WDTC1: variants seen among roughly 807,000 people sequenced by gnomAD.
WDTC1 encodes the protein WD and tetratricopeptide repeats 1, also known as WD and tetratricopeptide repeats protein 1.
WDTC1 carries 12 observed loss-of-function variants against 76.0 expected under a neutral mutation model. That is an observed-to-expected ratio of 0.16 (90% CI 0.10 to 0.26). The LOEUF (loss-of-function observed/expected upper bound fraction) is 0.26. Ranked by LOEUF, WDTC1 falls within the 10% of genes least tolerant of loss-of-function variation. WDTC1 has a pLI of 1.00. For synonymous variants in WDTC1, 326 were observed against 350.8 expected (o/e 0.93, Z 0.79); for missense variants, 511 against 908.8 (o/e 0.56, Z 5.63).
chr1:27,257,029 A>AT (rs561062848), intron 1 of WDTC1, among the ~76,000 whole-genome samples: 2 of 151,664 alleles, frequency 1.3e-5, no homozygotes, highest in Non-Finnish European at 2.9e-5. Context: ...CGCCCGGCTA[A>AT]TTTTTTGTAT....
chr1:27,278,426 T>G (rs911113501), intron 3 of WDTC1, among the ~76,000 whole-genome samples: 1 of 152,230 alleles, frequency 6.6e-6, no homozygotes, highest in African/African-American at 2.4e-5. Context: ...AGTCATATTT[T>G]CAAGCAAATA....
chr1:27,268,564 G>A (rs1418340657), intron 3 of WDTC1, among the ~76,000 whole-genome samples: 4 of 151,490 alleles, frequency 2.6e-5, no homozygotes, highest in African/African-American at 7.3e-5. Context: ...GATTACAGGC[G>A]TGTGCCTCCA....
At chr1:27,262,138 T>C (rs996584056) in intron 2 of WDTC1, among the ~76,000 whole-genome samples, 2 of 151,910 alleles carry the variant, frequency 1.3e-5, no homozygotes, top group African/African-American at 2.4e-5. Flanking sequence ...ACCGTGTTAC[T>C]CAGGAGATCT....
intron 1 of WDTC1, among the ~76,000 whole-genome samples, chr1:27,253,186 G>A (rs1271087654): frequency 6.6e-6 from 1 of 151,440 alleles, no homozygotes; most frequent in South Asian, 2.1e-4. Flanking sequence ...CTTTTTGTAC[G>A]TTTAGTAGAG....
Position 27,234,921 on chromosome 1 carries a change from C to T in WDTC1, c.-130C>T, listed in dbSNP as rs2011461103. On this transcript the variant is annotated 5_prime_UTR_variant, in exon 1 of 16. Transcript: ENST00000319394. Reference sequence around the variant, plus strand: ...ACGGACATGGGCTCCTGAAGTTGCGCCGCTGCCGGTCGGGGGAAGAGACCT... The same window carrying T: ...ACGGACATGGGCTCCTGAAGTTGCGTCGCTGCCGGTCGGGGGAAGAGACCT... 1 of 394,746 alleles carries T rather than the reference C, an allele frequency of 2.5e-6. No homozygotes were observed. The highest frequency in any genetic ancestry group is 3.6e-5 in the East Asian group (1 of 27,856). The allele number at this position is 394,746 out of a possible 1,614,324, so 24.5% of individuals were successfully genotyped here. A position where few individuals can be genotyped will look rare whatever the true frequency, so the allele number is the denominator to read the frequency against.
At chr1:27,300,175 A>C (rs530449807) in intron 12 of WDTC1, among the ~76,000 whole-genome samples, 1 of 152,276 alleles carries the variant, frequency 6.6e-6, no homozygotes, top group South Asian at 2.1e-4. Flanking sequence ...TGAGTGCTGC[A>C]GAAGGAGGCT....
chr1:27,250,826 T>A (rs947196297), intron 1 of WDTC1, among the ~76,000 whole-genome samples: 3 of 151,788 alleles, frequency 2.0e-5, no homozygotes, highest in Non-Finnish European at 4.4e-5. Context: ...GCATTATGAT[T>A]AGACTAATTC....
At chr1:27,257,294 G>A (rs1261630588) in intron 1 of WDTC1, among the ~76,000 whole-genome samples, 5 of 152,070 alleles carry the variant, frequency 3.3e-5, no homozygotes, top group Non-Finnish European at 5.9e-5. Context: ...AGCCTTTTTC[G>A]GGTGAAGCGT....
upstream of WDTC1, chr1:27,234,452 G>A (rs1223684954): frequency 3.8e-6 from 1 of 261,262 alleles, no homozygotes; most frequent in Non-Finnish European, 7.3e-6. Flanking sequence ...GGCGGTGCGG[G>A]GCTCCCCCAC....
At position 27,308,175 on chromosome 1, in the gene WDTC1, G is replaced by A. The variant is rs1002973160; in HGVS notation, c.*1792G>A. On this transcript the variant is annotated 3_prime_UTR_variant, in exon 16 of 16. Transcript: ENST00000319394. ...TTACTGTCCTCTGGGGGCAGGAGCC[G>A]AGCCTTTTTGTTGCTCCGCTCCCAG... is the stretch of plus-strand genomic sequence containing the variant. 1.3e-5 allele frequency: 2 copies of A among 151,168 alleles called. No homozygotes were observed. The highest frequency in any genetic ancestry group is 2.4e-5 in the African/African-American group (1 of 41,220). 9.4% of individuals were successfully genotyped at this position (151,168 alleles called of 1,614,324 possible).
At chr1:27,244,312 A>C (rs2011736292) in intron 1 of WDTC1, among the ~76,000 whole-genome samples, 1 of 151,856 alleles carries the variant, frequency 6.6e-6, no homozygotes, top group South Asian at 2.1e-4. Flanking sequence ...TCTTCATTTT[A>C]TTATGCTCTT....
intron 1 of WDTC1, among the ~76,000 whole-genome samples, chr1:27,245,886 G>A (rs2011813618): frequency 6.6e-6 from 1 of 151,632 alleles, no homozygotes; most frequent in African/African-American, 2.4e-5. Flanking sequence ...TGCTATGGGA[G>A]GTAGCATGTC....
chr1:27,296,809 G>GCCCCAGCCCCAGCCCTAT, intron 10 of WDTC1, among the ~76,000 whole-genome samples: 1 of 99,310 alleles, frequency 1.0e-5, no homozygotes, highest in African/African-American at 3.9e-5. Context: ...CCCAGCCCTA[G>GCCCCAGCCCCAGCCCTAT]CCCCAGCCCC....
intron 6 of WDTC1, among the ~76,000 whole-genome samples, chr1:27,290,035 G>A (rs959529837): frequency 6.6e-6 from 1 of 151,814 alleles, no homozygotes; most frequent in African/African-American, 2.4e-5. Context: ...GGGAGAGGGA[G>A]AGGGAGACCG....
At chr1:27,280,926 T>C (rs1157321843) in intron 3 of WDTC1, among the ~76,000 whole-genome samples, 1 of 152,214 alleles carries the variant, frequency 6.6e-6, no homozygotes, top group Non-Finnish European at 1.5e-5. Context: ...TTTTCTGGGT[T>C]TGTTTGGTAT....
Position 27,263,922 on chromosome 1 carries a change from GCACA to G in WDTC1, c.132+696_132+699del, listed in dbSNP as rs761289347. ...ATACATATACACATAATGTATACGT[GCACA>G]CACACACAAACACACACACTTTCTT... is the stretch of plus-strand genomic sequence containing the variant. On this transcript the variant is annotated intron_variant, in intron 3 of 15. Transcript: ENST00000319394. Among the ~76,000 whole-genome samples, 112 of 151,302 alleles carry G rather than the reference GCACA, an allele frequency of 7.4e-4. 2 individuals are homozygous for G. Among genetic ancestry groups the G allele is most frequent in the Middle Eastern group, 3.4e-3 (1 of 294 alleles).
At chr1:27,245,357 C>T (rs1231241815) in intron 1 of WDTC1, among the ~76,000 whole-genome samples, 1 of 151,680 alleles carries the variant, frequency 6.6e-6, no homozygotes, top group Admixed American at 6.6e-5. Context: ...GCTAAGCTTA[C>T]ATCACTCCTG....
intron 1 of WDTC1, chr1:27,255,671 C>G (rs907532076): frequency 6.6e-6 from 1 of 152,318 alleles, no homozygotes; most frequent in Non-Finnish European, 1.5e-5. Flanking sequence ...CAGGTTCACG[C>G]GATTCTCCTG....
chr1:27,255,734 A>C (rs1381563356), intron 1 of WDTC1, among the ~76,000 whole-genome samples: 1 of 152,052 alleles, frequency 6.6e-6, no homozygotes, highest in Non-Finnish European at 1.5e-5. Context: ...ACACGCAGCT[A>C]ATTTTTGTAT....
Sources: allele counts gnomAD v4.1 joint callset (sites outside exome capture counted in the v4.1 genomes callset), GRCh38; gene constraint gnomAD v4.1.1; transcripts MANE v1.5; gene names NCBI Gene and HGNC (gene_info 2026-07-23, HGNC 2026-07-21).